CAMK2D: variants seen among roughly 807,000 people sequenced by gnomAD.
The protein encoded by CAMK2D is calcium/calmodulin-dependent protein kinase type II subunit delta.
Under a neutral mutation model 84.0 loss-of-function variants are expected in CAMK2D, and 37 were observed. That is an observed-to-expected ratio of 0.44 (90% confidence interval 0.34 to 0.58). The LOEUF (loss-of-function observed/expected upper bound fraction) is 0.58. Among genes scored for constraint, CAMK2D ranks in the 20% least tolerant of loss-of-function variants. The pLI is 0.02. For missense variants in CAMK2D, 448 were observed against 652.5 expected (o/e 0.69, Z 3.41); for synonymous variants, 202 against 212.5 (o/e 0.95, Z 0.43).
intron 8 of CAMK2D, among the ~76,000 whole-genome samples, chr4:113,518,149 G>A (rs2098310947): frequency 6.6e-6 from 1 of 152,140 alleles, no homozygotes; most frequent in African/African-American, 2.4e-5. Flanking sequence ...CCCTGCAAAT[G>A]TGGGTACCCC....
intron 2 of CAMK2D, among the ~76,000 whole-genome samples, chr4:113,724,617 GTTAT>G (rs1367227983): frequency 1.3e-5 from 2 of 151,216 alleles, no homozygotes; most frequent in East Asian, 3.9e-4. Context: ...CATGCCTTTG[GTTAT>G]TTGTTTATTA....
intron 8 of CAMK2D, 75 bp from the exon 9 acceptor site, chr4:113,517,732 G>T: frequency 1.4e-6 from 1 of 723,414 alleles, no homozygotes; most frequent in South Asian, 1.6e-5. Context: ...GATCCACAAT[G>T]ATATTAAGCC....
At chr4:113,569,083 A>G (rs1474102347) in intron 4 of CAMK2D, among the ~76,000 whole-genome samples, 1 of 152,010 alleles carries the variant, frequency 6.6e-6, no homozygotes, top group East Asian at 1.9e-4. Context: ...GGGTCTTGCT[A>G]TGTTTCCCAG....
rs548127554 is a variant in CAMK2D, at chr4:113,513,863, G to A, written c.870C>T (p.Cys290=). Residue 290 remains cysteine (C), a synonymous_variant, in exon 11 of 21, where the codon TGC becomes TGT. Coordinates refer to ENST00000511664, the MANE Select transcript of CAMK2D (RefSeq NM_001321571.2). ...SMMHRQETVD[C]LKKFNARRKL... is the part of the protein sequence containing the mutation. The stretch of plus-strand genomic sequence containing the variant: ...TTCTTCTAGCATTAAATTTCTTCAA[G>A]CAGTCTACAGTCTCCTGTCTGTGCA... 2.4e-4 allele frequency: 388 copies of A among 1,592,400 alleles called. 5 individuals are homozygous for A. The South Asian group carries it at 4.1e-3, about 17-fold the overall frequency.
chr4:113,700,829 A>G (rs558565959), intron 2 of CAMK2D, among the ~76,000 whole-genome samples: 2 of 152,162 alleles, frequency 1.3e-5, no homozygotes, highest in Non-Finnish European at 2.9e-5. Context: ...CACCCTTTAG[A>G]TGAGCCTAGG....
chr4:113,678,344 C>T (rs1042776344), intron 2 of CAMK2D, among the ~76,000 whole-genome samples: 2 of 152,152 alleles, frequency 1.3e-5, no homozygotes, highest in African/African-American at 2.4e-5. Context: ...ATGAAATCAT[C>T]GTTCCCTAGG....
chr4:113,625,067 G>A lies in CAMK2D; in HGVS notation c.221-15861C>T, dbSNP rs142615119. Among the ~76,000 whole-genome samples, 928 of 152,304 alleles carry A rather than the reference G, an allele frequency of 6.1e-3. 8 individuals carry two copies. Among genetic ancestry groups the A allele is most frequent in the Middle Eastern group, 0.014 (4 of 294 alleles). ...ACCTGCCTAGTCAGCCAGATGTCTG[G>A]TGATCAATGGAGCAGATACAGGAGG... is the stretch of plus-strand genomic sequence containing the variant. On this transcript the variant is annotated intron_variant, in intron 3 of 20. Transcript: ENST00000511664.
intron 13 of CAMK2D, chr4:113,508,347 T>C (rs2098160733): frequency 4.7e-6 from 5 of 1,063,956 alleles, no homozygotes; most frequent in Middle Eastern, 2.0e-4. Flanking sequence ...GCATGGAGTA[T>C]AGAATAATTT....
At chr4:113,562,636 A>G (rs148165675) in intron 4 of CAMK2D, among the ~76,000 whole-genome samples, 5 of 152,218 alleles carry the variant, frequency 3.3e-5, no homozygotes, top group African/African-American at 9.6e-5. Context: ...AAAGATCTAT[A>G]CAGCCTTACA....
intron 4 of CAMK2D, among the ~76,000 whole-genome samples, chr4:113,590,800 T>G (rs985088496): frequency 2.0e-5 from 3 of 152,168 alleles, no homozygotes; most frequent in Admixed American, 1.3e-4. Flanking sequence ...TCTACTCAGT[T>G]AGATCTTTGC....
chr4:113,604,641 T>G (rs1373246882), intron 4 of CAMK2D, among the ~76,000 whole-genome samples: 2 of 152,228 alleles, frequency 1.3e-5, no homozygotes, highest in African/African-American at 2.4e-5. Flanking sequence ...AACTTTTACC[T>G]TCTTCACTTT....
At chr4:113,657,690 C>T (rs1207007851) in intron 3 of CAMK2D, among the ~76,000 whole-genome samples, 1 of 152,038 alleles carries the variant, frequency 6.6e-6, no homozygotes, top group Non-Finnish European at 1.5e-5. Context: ...TTTAATGAAT[C>T]ACCATTTTTA....
intron 2 of CAMK2D, among the ~76,000 whole-genome samples, chr4:113,749,442 T>C (rs2099612129): frequency 6.6e-6 from 1 of 152,094 alleles, no homozygotes; most frequent in Non-Finnish European, 1.5e-5. Context: ...GGCCTCTAAC[T>C]GCCTTTACTA....
intron 3 of CAMK2D, among the ~76,000 whole-genome samples, chr4:113,634,204 C>T (rs1432119399): frequency 1.3e-5 from 2 of 152,188 alleles, no homozygotes; most frequent in African/African-American, 4.8e-5. Flanking sequence ...TGATCCTGTA[C>T]AGCTGTCTAT....
intron 4 of CAMK2D, among the ~76,000 whole-genome samples, chr4:113,596,018 G>C (rs539256216): frequency 6.6e-6 from 1 of 152,284 alleles, no homozygotes; most frequent in South Asian, 2.1e-4. Context: ...TTCAAAATTG[G>C]AGTCAATCCT....
Position 113,740,399 on chromosome 4 carries a change from G to A in CAMK2D, c.160+18921C>T, listed in dbSNP as rs191403143. On this transcript the variant is annotated intron_variant, in intron 2 of 20. Coordinates refer to ENST00000511664, the MANE Select transcript of CAMK2D (RefSeq NM_001321571.2). ...AAGAAGCCAATCAGAAAAAAAAATTGTATGATTCCACTGACATGAAATGTT... is the reference window on the plus strand; with the variant it reads ...AAGAAGCCAATCAGAAAAAAAAATTATATGATTCCACTGACATGAAATGTT... Among the ~76,000 whole-genome samples, 94 of 150,636 alleles carry A rather than the reference G, an allele frequency of 6.2e-4. 1 individual carries two copies. The East Asian group carries it at 0.015, about 23-fold the overall frequency.
intron 3 of CAMK2D, among the ~76,000 whole-genome samples, chr4:113,625,184 A>T (rs1490701106): frequency 6.6e-6 from 1 of 152,218 alleles, no homozygotes; most frequent in African/African-American, 2.4e-5. Context: ...CTCAATAAAT[A>T]GTCATTGGTG....
intron 16 of CAMK2D, among the ~76,000 whole-genome samples, chr4:113,498,930 T>C (rs979877865): frequency 1.3e-5 from 2 of 152,204 alleles, no homozygotes; most frequent in African/African-American, 2.4e-5. Context: ...CCTTGGCAGA[T>C]GAACTGCATA....
chr4:113,650,978 A>G (rs1261967935), intron 3 of CAMK2D, among the ~76,000 whole-genome samples: 1 of 152,176 alleles, frequency 6.6e-6, no homozygotes, highest in Non-Finnish European at 1.5e-5. Flanking sequence ...CTCTTATTCT[A>G]TGCATTTGGT....
Sources: allele counts gnomAD v4.1 joint callset (sites outside exome capture counted in the v4.1 genomes callset), GRCh38; gene constraint gnomAD v4.1.1; transcripts MANE v1.5; gene names NCBI Gene and HGNC (gene_info 2026-07-23, HGNC 2026-07-21).